XG: variants seen among roughly 807,000 people sequenced by gnomAD.
XG encodes the protein Xg glycoprotein (Xg blood group).
Under a neutral mutation model 25.7 loss-of-function variants are expected in XG, and 24 were observed. The observed-to-expected ratio is 0.93, with a 90% CI of 0.68 to 1.31. The LOEUF (loss-of-function observed/expected upper bound fraction) is 1.31, where lower values mean the gene tolerates loss of function less well. XG is among the 40% of genes most tolerant of loss of function. The pLI, the probability that XG is intolerant of heterozygous loss-of-function variation, is 0.00. For missense variants in XG, 181 were observed against 187.6 expected, an observed-to-expected ratio of 0.96 and a Z score of 0.21; for synonymous variants, 77 against 69.2, an observed-to-expected ratio of 1.11 and a Z score of -0.56.
chrX:2,774,681 T>C (rs748427638), intron 2 of XG, 35 bp from the exon 3 acceptor site: 4 of 1,613,466 alleles, frequency 2.5e-6, no homozygotes, highest in Non-Finnish European at 8.5e-7. Flanking sequence ...GAATCTTCAA[T>C]GCATATTGCA....
chrX:2,774,743 A>G lies in XG; in HGVS notation c.127+4A>G. 6.2e-7 allele frequency: 1 copy of G among 1,613,710 alleles called. No homozygotes were observed. Among genetic ancestry groups the G allele is most frequent in the Non-Finnish European group, 8.5e-7 (1 of 1,179,790 alleles). On this transcript the variant is annotated splice_donor_region_variant and intron_variant, in intron 3 of 10. Coordinates refer to ENST00000644266, the MANE Select transcript of XG (RefSeq NM_001141919.2). ...CCCACCAAGAAGCCAAACTCAGGTG[A>G]GTGTCTCTTCAGCTGGGAAAAACTG... is the stretch of plus-strand genomic sequence containing the variant.
intron 3 of XG, among the ~76,000 whole-genome samples, chrX:2,778,555 A>T (rs1013088067): frequency 1.6e-4 from 25 of 152,078 alleles, no homozygotes; most frequent in African/African-American, 6.0e-4. Flanking sequence ...AGAAAAGAAA[A>T]AAAAAGAAGA....
rs2050342309 is a variant in XG at position 2,752,131 on chromosome X, G to C, written c.-144G>C. The C allele has an allele frequency of 6.3e-6, 9 of 1,430,328 alleles. No individual in the cohort carries two copies. The South Asian group carries it at 1.2e-4, about 20-fold the overall frequency. The allele number at this position is 1,430,328 out of a possible 1,614,324, so 88.6% of individuals were successfully genotyped here. A position where few individuals can be genotyped will look rare whatever the true frequency, so the allele number is the denominator to read the frequency against. ...GAGCCCATTTGTTTCTGGCAGTTCCGCTCATATTTTCCACTTGAAGACATC... is the reference window on the plus strand; with the variant it reads ...GAGCCCATTTGTTTCTGGCAGTTCCCCTCATATTTTCCACTTGAAGACATC... On this transcript the variant is annotated 5_prime_UTR_variant, in exon 1 of 11. Coordinates refer to ENST00000644266, the MANE Select transcript of XG (RefSeq NM_001141919.2).
chrX:2,756,445 C>T (rs1481717527), intron 1 of XG, among the ~76,000 whole-genome samples: 1 of 152,018 alleles, frequency 6.6e-6, no homozygotes, highest in African/African-American at 2.4e-5. Flanking sequence ...ATAGAAGAGT[C>T]GGAATGGTTC....
chrX:2,781,176 C>T (rs1303673492), intron 3 of XG, among the ~76,000 whole-genome samples: 5 of 143,078 alleles, frequency 3.5e-5, no homozygotes, highest in Non-Finnish European at 7.7e-5. Flanking sequence ...GTAACAAAAG[C>T]CCACCGAGAG....
At chrX:2,811,564 C>G (rs1299636520) in intron 10 of XG, 112 bp downstream of exon 10, 2 of 487,831 alleles carry the variant, frequency 4.1e-6, no homozygotes, top group East Asian at 7.6e-5. Flanking sequence ...GTTCAATATA[C>G]ATAACTTGCC....
intron 1 of XG, among the ~76,000 whole-genome samples, chrX:2,765,190 A>AC (rs1311749756): frequency 3.3e-5 from 5 of 150,106 alleles, no homozygotes; most frequent in Non-Finnish European, 4.4e-5. Context: ...TACTAAAAAT[A>AC]AAAAAAATTA....
At chrX:2,760,216 G>A (rs182005248) in intron 1 of XG, among the ~76,000 whole-genome samples, 36 of 151,922 alleles carry the variant, frequency 2.4e-4, no homozygotes, top group African/African-American at 7.5e-4. Flanking sequence ...TATTGAGAGC[G>A]TAGGCCAGGC....
intron 7 of XG, among the ~76,000 whole-genome samples, chrX:2,797,565 TACAC>T (rs1238782703): frequency 9.6e-6 from 1 of 104,224 alleles, no homozygotes; most frequent in African/African-American, 3.7e-5. Flanking sequence ...CAGCCACACA[TACAC>T]ACACGCATAC....
At chrX:2,766,786 C>G (rs1192375235) in intron 1 of XG, among the ~76,000 whole-genome samples, 1 of 151,572 alleles carries the variant, frequency 6.6e-6, no homozygotes. Context: ...AGGATGGTCT[C>G]GATCTCCTGA....
At chrX:2,810,721 G>A (rs1256728639) in intron 9 of XG, among the ~76,000 whole-genome samples, 1 of 110,402 alleles carries the variant, frequency 9.1e-6, no homozygotes, top group Admixed American at 9.8e-5. Context: ...TTCGAGACCA[G>A]CCTGGCCAAC....
At chrX:2,791,714 A>AT (rs1302465895) in intron 5 of XG, among the ~76,000 whole-genome samples, 1 of 110,200 alleles carries the variant, frequency 9.1e-6, no homozygotes, top group Non-Finnish European at 1.9e-5. Context: ...TCACTGCTGC[A>AT]TTCCCTAGTC....
At chrX:2,753,390 ACAGTAAGAGCCAAAGGTTAAC>A (rs2050372439) in intron 1 of XG, among the ~76,000 whole-genome samples, 1 of 152,164 alleles carries the variant, frequency 6.6e-6, no homozygotes, top group Non-Finnish European at 1.5e-5. Flanking sequence ...TGTATCATTC[ACAGTAAGAGCCAAAGGTTAAC>A]CATATCCCCT....
chrX:2,785,466 T>TC (rs1181610322), intron 4 of XG, among the ~76,000 whole-genome samples: 3 of 110,293 alleles, frequency 2.7e-5, no homozygotes, highest in Non-Finnish European at 3.8e-5. Context: ...AAAAATTTTT[T>TC]TGTAGCTATC....
chrX:2,789,544 C>A, intron 4 of XG, 100 bp from the exon 5 acceptor site: 2 of 474,715 alleles, frequency 4.2e-6, no homozygotes, highest in Non-Finnish European at 7.2e-6. Flanking sequence ...AAGCAATGGG[C>A]AGTAACATCT....
chrX:2,808,577 A>G, intron 9 of XG: 1 of 752,923 alleles, frequency 1.3e-6, no homozygotes, highest in Non-Finnish European at 1.6e-6. Flanking sequence ...GGAGAAAGGA[A>G]GGTATGAACA....
chrX:2,796,053 A>G (rs994626345), intron 6 of XG, among the ~76,000 whole-genome samples: 2 of 108,191 alleles, frequency 1.8e-5, no homozygotes, highest in African/African-American at 6.6e-5. Flanking sequence ...TGTATGTTAT[A>G]TAAATATATA....
chrX:2,766,734 T>A lies in XG; in HGVS notation c.62-3816T>A, dbSNP rs1402909590. Among the ~76,000 whole-genome samples the A allele has an allele frequency of 2.0e-5, 3 of 147,460 alleles. No individual in the cohort carries two copies. The East Asian group carries it at 6.2e-4, about 31-fold the overall frequency. ...CGCCCGCCACCACACCCGGCTAATT[T>A]TTTTGTATTTTTACTAGAGACGGGG... On this transcript the variant is annotated intron_variant, in intron 1 of 10. Coordinates refer to ENST00000644266, the MANE Select transcript of XG (RefSeq NM_001141919.2).
chrX:2,788,140 AT>A (rs1191997565), intron 4 of XG, among the ~76,000 whole-genome samples: 3 of 111,994 alleles, frequency 2.7e-5, no homozygotes, highest in Non-Finnish European at 5.6e-5. Context: ...AAAACCAGTC[AT>A]TCTCAGCCCA....
Sources: gnomAD v4.1 joint callset for allele counts (sites outside exome capture counted in the v4.1 genomes callset) on GRCh38, gnomAD v4.1.1 for gene constraint, MANE v1.5 for transcripts, NCBI Gene and HGNC (gene_info 2026-07-23, HGNC 2026-07-21) for gene names.